CHL1: variants seen among roughly 807,000 people sequenced by gnomAD.
The protein encoded by CHL1 is neural cell adhesion molecule L1-like protein.
Under a neutral mutation model 141.9 loss-of-function variants are expected in CHL1, and 96 were observed. That is an observed-to-expected ratio of 0.68 (90% CI 0.57 to 0.80). The LOEUF (loss-of-function observed/expected upper bound fraction) is 0.80, where lower values mean the gene tolerates loss of function less well. Among genes scored for constraint, CHL1 ranks in the 30% least tolerant of loss-of-function variants. The probability of loss-of-function intolerance (pLI) is 0.00; values close to 1 mark genes in which losing one functional copy is unlikely to be tolerated. For synonymous variants in CHL1, 613 were observed against 502.2 expected (o/e 1.22, Z -2.95); for missense variants, 1,820 against 1,457.2 (o/e 1.25, Z -4.05).
chr3:318,824 T>A (rs1467854736), intron 2 of CHL1, among the ~76,000 whole-genome samples: 3 of 151,636 alleles, frequency 2.0e-5, no homozygotes, highest in Non-Finnish European at 4.4e-5. Flanking sequence ...ATTGATGTAT[T>A]TGTGATCCTT....
intron 1 of CHL1, among the ~76,000 whole-genome samples, chr3:199,359 A>G (rs1170468501): frequency 6.6e-6 from 1 of 152,186 alleles, no homozygotes; most frequent in Admixed American, 6.5e-5. Context: ...ATGATGATGA[A>G]TATATGTTTC....
intron 1 of CHL1, among the ~76,000 whole-genome samples, chr3:227,415 C>T (rs1012343763): frequency 3.3e-5 from 5 of 152,176 alleles, no homozygotes; most frequent in African/African-American, 1.2e-4. Context: ...GGAAGACAAA[C>T]ATATGAACAG....
intron 1 of CHL1, among the ~76,000 whole-genome samples, chr3:220,696 A>C (rs1248162551): frequency 6.6e-6 from 1 of 152,208 alleles, no homozygotes; most frequent in African/African-American, 2.4e-5. Flanking sequence ...CATCACAAAA[A>C]AGACTCACAA....
intron 2 of CHL1, among the ~76,000 whole-genome samples, chr3:305,951 A>C (rs575687357): frequency 6.6e-6 from 1 of 152,324 alleles, no homozygotes; most frequent in East Asian, 1.9e-4. Flanking sequence ...AAAACACATA[A>C]GACTATTAAA....
At chr3:252,392 A>ATATATATATATATG (rs1559339212) in intron 2 of CHL1, among the ~76,000 whole-genome samples, 24 of 136,296 alleles carry the variant, frequency 1.8e-4, no homozygotes, top group African/African-American at 6.5e-4. Flanking sequence ...ATATATATAT[A>ATATATATATATATG]TATATATATT....
chr3:246,907 G>T (rs1346886852), intron 2 of CHL1: 3 of 151,988 alleles, frequency 2.0e-5, no homozygotes, highest in Non-Finnish European at 4.4e-5. Context: ...CTACATTTTT[G>T]CTGCAGAAGA....
intron 2 of CHL1, among the ~76,000 whole-genome samples, chr3:279,349 A>G (rs749964008): frequency 3.9e-5 from 6 of 152,010 alleles, no homozygotes; most frequent in Non-Finnish European, 8.8e-5. Flanking sequence ...TAAAATATTT[A>G]TTTTAATCGA....
intron 2 of CHL1, among the ~76,000 whole-genome samples, chr3:294,214 G>T (rs944184984): frequency 6.6e-6 from 1 of 152,094 alleles, no homozygotes; most frequent in Non-Finnish European, 1.5e-5. Context: ...GGCTACTCAG[G>T]AGGGTGAGGT....
At chr3:206,058 A>G (rs1184075837) in intron 1 of CHL1, among the ~76,000 whole-genome samples, 1 of 152,158 alleles carries the variant, frequency 6.6e-6, no homozygotes, top group Non-Finnish European at 1.5e-5. Flanking sequence ...TGTCCATCCA[A>G]ACTTACCTGT....
chr3:285,155 C>G (rs980482825), intron 2 of CHL1, among the ~76,000 whole-genome samples: 17 of 152,168 alleles, frequency 1.1e-4, no homozygotes, highest in African/African-American at 3.9e-4. Context: ...CACCTTTCAC[C>G]TTTTATGCTA....
At chr3:321,505 G>A (rs1400247388) in intron 3 of CHL1, among the ~76,000 whole-genome samples, 1 of 152,104 alleles carries the variant, frequency 6.6e-6, no homozygotes, top group Non-Finnish European at 1.5e-5. Context: ...GTGGAAAAAT[G>A]TTAATAATTT....
At chr3:292,263 A>C (rs1697759942) in intron 2 of CHL1, among the ~76,000 whole-genome samples, 2 of 152,234 alleles carry the variant, frequency 1.3e-5, no homozygotes, top group African/African-American at 4.8e-5. Flanking sequence ...TTCTGCAAAC[A>C]GGGCAACTAC....
intron 1 of CHL1, among the ~76,000 whole-genome samples, chr3:239,598 A>ATATATATATATATATATATATATATG: frequency 3.6e-5 from 4 of 111,052 alleles, no homozygotes; most frequent in Middle Eastern, 4.4e-3. Context: ...TATATATAAA[A>ATATATATATATATATATATATATATG]TATATATATT....
intron 2 of CHL1, among the ~76,000 whole-genome samples, chr3:292,749 A>G (rs1189038139): frequency 2.6e-5 from 4 of 152,204 alleles, no homozygotes; most frequent in African/African-American, 9.6e-5. Context: ...AAGCGGAAGC[A>G]GGCACGTCAC....
intron 1 of CHL1, among the ~76,000 whole-genome samples, chr3:229,721 AT>A (rs142871280): frequency 0.07 from 10,597 of 152,228 alleles, 404 homozygotes; most frequent in Middle Eastern, 0.1. Context: ...TGGAATCTTT[AT>A]AGCTGGACTT....
At chr3:289,041 G>A (rs1243501077) in intron 2 of CHL1, among the ~76,000 whole-genome samples, 1 of 152,114 alleles carries the variant, frequency 6.6e-6, no homozygotes, top group African/African-American at 2.4e-5. Flanking sequence ...ATGACAATGC[G>A]AAGGGTGATC....
intron 11 of CHL1, among the ~76,000 whole-genome samples, chr3:358,779 A>T (rs1703943990): frequency 6.6e-6 from 1 of 151,900 alleles, no homozygotes; most frequent in Non-Finnish European, 1.5e-5. Flanking sequence ...TGTAGTATTC[A>T]TGTTTTCTAG....
In CHL1 at chr3:260,162, G is replaced by A. The variant is rs189726289; in HGVS notation, c.-95+15470G>A. Among the ~76,000 whole-genome samples the A allele has an allele frequency of 2.1e-4, 32 of 152,252 alleles. No individual in the cohort carries two copies. In the East Asian group the frequency reaches 6.0e-3, roughly 29 times the overall value. On this transcript the variant is annotated intron_variant, in intron 2 of 27. Coordinates refer to ENST00000256509, the MANE Select transcript of CHL1 (RefSeq NM_006614.4). The stretch of plus-strand genomic sequence containing the variant: ...ACCTGTAATGCCAGTTACTCAGGAG[G>A]CTGAGGCAAGAGAATCACTTGAACC...
chr3:250,977 A>T (rs1693641286), intron 2 of CHL1, among the ~76,000 whole-genome samples: 1 of 152,060 alleles, frequency 6.6e-6, no homozygotes, highest in Non-Finnish European at 1.5e-5. Context: ...AGAGAGACAC[A>T]GTTCTTATCC....
Sources: allele counts gnomAD v4.1 joint callset (sites outside exome capture counted in the v4.1 genomes callset), GRCh38; gene constraint gnomAD v4.1.1; transcripts MANE v1.5; gene names NCBI Gene and HGNC (gene_info 2026-07-23, HGNC 2026-07-21).